Variants in SLC23A2 observed in about 807,000 individuals in gnomAD.
SLC23A2 encodes solute carrier family 23 member 2.
SLC23A2 carries 36 observed loss-of-function variants against 73.3 expected under a neutral mutation model. The observed-to-expected ratio is 0.49, with a 90% CI of 0.38 to 0.65. SLC23A2 has a LOEUF of 0.65. Among genes scored for constraint, SLC23A2 ranks in the 30% least tolerant of loss-of-function variants. SLC23A2 has a pLI of 0.00. For missense variants in SLC23A2, 507 were observed against 841.6 expected, an observed-to-expected ratio of 0.60 and a Z score of 4.92; for synonymous variants, 343 against 327.3, an observed-to-expected ratio of 1.05 and a Z score of -0.52.
chr20:4,971,931 A>G (rs921757583), intron 1 of SLC23A2, among the ~76,000 whole-genome samples: 2 of 152,234 alleles, frequency 1.3e-5, no homozygotes, highest in African/African-American at 4.8e-5. Flanking sequence ...TTAAAAATGT[A>G]CTAGCACACG....
At chr20:4,865,991 C>A (rs951469109) in intron 13 of SLC23A2, among the ~76,000 whole-genome samples, 5 of 152,046 alleles carry the variant, frequency 3.3e-5, no homozygotes, top group African/African-American at 1.2e-4. Context: ...AGCCACCAAG[C>A]CTGGCTAATT....
chr20:4,884,664 TA>T, intron 8 of SLC23A2, 88 bp downstream of exon 8: 1 of 840,892 alleles, frequency 1.2e-6, no homozygotes, highest in Non-Finnish European at 2.0e-6. Flanking sequence ...AAGGGCTCAG[TA>T]AAAGTAACTG....
At chr20:4,917,999 TTAAAAATCAAATGG>T (rs1209545985) in intron 3 of SLC23A2, among the ~76,000 whole-genome samples, 1 of 152,232 alleles carries the variant, frequency 6.6e-6, no homozygotes, top group Non-Finnish European at 1.5e-5. Context: ...AAATTTAATT[TTAAAAATCAAATGG>T]TAAAAATCAG....
chr20:4,945,385 A>G (rs1024230961), intron 2 of SLC23A2, among the ~76,000 whole-genome samples: 15 of 152,198 alleles, frequency 9.9e-5, no homozygotes, highest in African/African-American at 3.6e-4. Context: ...ATCGCAGCTC[A>G]CTGCAACCTC....
intron 9 of SLC23A2, 56 bp from the exon 10 acceptor site, chr20:4,874,752 A>G (rs1930588753): frequency 1.4e-6 from 2 of 1,454,868 alleles, no homozygotes; most frequent in Non-Finnish European, 1.9e-6. Flanking sequence ...CTGTTATAAA[A>G]TAACACTCGA....
intron 4 of SLC23A2, among the ~76,000 whole-genome samples, chr20:4,910,627 G>T (rs1018316433): frequency 6.6e-6 from 1 of 152,032 alleles, no homozygotes; most frequent in African/African-American, 2.4e-5. Flanking sequence ...GTAGAGACGG[G>T]GTTTCGCCAT....
intron 3 of SLC23A2, among the ~76,000 whole-genome samples, chr20:4,929,027 G>A (rs1046154902): frequency 1.3e-5 from 2 of 152,188 alleles, no homozygotes; most frequent in African/African-American, 4.8e-5. Flanking sequence ...TGAGACAGGT[G>A]GGTCACTTGA....
At chr20:4,861,782 C>T (rs749511709) in intron 15 of SLC23A2, among the ~76,000 whole-genome samples, 166 bp downstream of exon 15, 3 of 152,162 alleles carry the variant, frequency 2.0e-5, no homozygotes, top group Non-Finnish European at 4.4e-5. Context: ...AAGCCCACAG[C>T]GCTTCCAGGT....
intron 6 of SLC23A2, among the ~76,000 whole-genome samples, chr20:4,892,252 T>C (rs148653186): frequency 2.0e-5 from 3 of 152,010 alleles, no homozygotes; most frequent in Admixed American, 6.6e-5. Context: ...GTCTACCTTA[T>C]CTCGGCTCAC....
At chr20:4,912,508 G>A (rs2122894282) in intron 4 of SLC23A2, among the ~76,000 whole-genome samples, 1 of 152,092 alleles carries the variant, frequency 6.6e-6, no homozygotes, top group East Asian at 1.9e-4. Flanking sequence ...CTGAGGCCCA[G>A]AGAACTTCTA....
Position 4,879,408 on chromosome 20 carries a change from C to CAAAAAAA in SLC23A2, c.824+4227_824+4233dup, listed in dbSNP as rs111565515. On this transcript the variant is annotated intron_variant, in intron 9 of 16. Coordinates refer to ENST00000338244, the MANE Select transcript of SLC23A2 (RefSeq NM_005116.6). ...GGGCAACCAGAGTAAAACTCTGTCTCAAAAAAAAAAAAAAAAAAAAAAAAA... is the reference window on the plus strand; with the variant it reads ...GGGCAACCAGAGTAAAACTCTGTCTCAAAAAAAAAAAAAAAAAAAAAAAAAAAAAAAA... Among the ~76,000 whole-genome samples the CAAAAAAA allele has an allele frequency of 8.4e-3, 360 of 42,996 alleles. 24 individuals are homozygous for CAAAAAAA. Among genetic ancestry groups the CAAAAAAA allele is most frequent in the Middle Eastern group, 0.033 (1 of 30 alleles). The allele number at this position is 42,996 out of a possible 152,430, so 28.2% of individuals were successfully genotyped here.
intron 6 of SLC23A2, among the ~76,000 whole-genome samples, chr20:4,889,634 G>C (rs1206530359): frequency 6.6e-6 from 1 of 151,388 alleles, no homozygotes; most frequent in Admixed American, 6.6e-5. Flanking sequence ...CCTGTGTCCA[G>C]CCTCTATCTG....
At chr20:4,874,774 C>A (rs1036483862) in intron 9 of SLC23A2, 78 bp from the exon 10 acceptor site, 21 of 1,226,894 alleles carry the variant, frequency 1.7e-5, no homozygotes, top group Admixed American at 2.4e-5. Flanking sequence ...GCTTCTATGG[C>A]AAAATTGACA....
intron 2 of SLC23A2, among the ~76,000 whole-genome samples, chr20:4,942,673 C>A (rs1181271255): frequency 6.6e-6 from 1 of 152,218 alleles, no homozygotes; most frequent in East Asian, 1.9e-4. Context: ...AACAGAGTCA[C>A]CCCTCTCACT....
intron 1 of SLC23A2, among the ~76,000 whole-genome samples, chr20:4,975,951 T>C (rs2087638914): frequency 1.3e-5 from 2 of 151,634 alleles, no homozygotes; most frequent in South Asian, 4.2e-4. Context: ...CCTCCCGGGT[T>C]CACGCCTTTC....
At chr20:4,878,644 T>C (rs1930751404) in intron 9 of SLC23A2, among the ~76,000 whole-genome samples, 1 of 152,252 alleles carries the variant, frequency 6.6e-6, no homozygotes, top group African/African-American at 2.4e-5. Context: ...TTATTTTGTA[T>C]ATTTAAGTCT....
intron 1 of SLC23A2, among the ~76,000 whole-genome samples, chr20:4,984,281 G>C (rs866525798): frequency 6.6e-5 from 10 of 151,504 alleles, no homozygotes; most frequent in African/African-American, 2.2e-4. Flanking sequence ...TCGGCCGGGT[G>C]CAGTGGCTCA....
intron 3 of SLC23A2, among the ~76,000 whole-genome samples, chr20:4,917,668 G>A (rs1212848833): frequency 6.6e-6 from 1 of 152,190 alleles, no homozygotes; most frequent in Non-Finnish European, 1.5e-5. Flanking sequence ...GATTTGCACA[G>A]GTCCAGCTGT....
rs573927136 is a variant in SLC23A2 at position 4,899,061 on chromosome 20, G to C, written c.482+494C>G. ...GAGATGGAAGTGGGGCAGAGAGCAA[G>C]GGCAAGCCTAAATGCTGGGTGCAGC... On this transcript the variant is annotated intron_variant, in intron 6 of 16. Coordinates refer to ENST00000338244, the MANE Select transcript of SLC23A2 (RefSeq NM_005116.6). The surrounding 1 kb of genome is among the most constrained non-coding windows in gnomAD (Gnocchi z 4.9). Among the ~76,000 whole-genome samples, 1 of 152,196 alleles carries C rather than the reference G, an allele frequency of 6.6e-6. No homozygotes were observed. The highest frequency in any genetic ancestry group is 1.5e-5 in the Non-Finnish European group (1 of 68,034).
Sources: gnomAD v4.1 joint callset for allele counts (sites outside exome capture counted in the v4.1 genomes callset) on GRCh38, gnomAD v4.1.1 for gene constraint, Gnocchi (gnomAD v3.1) non-coding constraint, MANE v1.5 for transcripts, NCBI Gene and HGNC (gene_info 2026-07-23, HGNC 2026-07-21) for gene names.